The following PUS10 variants were observed in gnomAD, a reference collection of about 807,000 sequenced individuals.
PUS10 encodes the protein pseudouridine synthase 10, also known as tRNA pseudouridine synthase Pus10.
Under a neutral mutation model 75.0 loss-of-function variants are expected in PUS10, and 59 were observed. The observed-to-expected ratio is 0.79, with a 90% confidence interval of 0.64 to 0.98. The LOEUF (loss-of-function observed/expected upper bound fraction) is 0.98, where lower values mean the gene tolerates loss of function less well. Ranked by LOEUF, PUS10 falls within the 50% of genes least tolerant of loss-of-function variation. The pLI, the probability that PUS10 is intolerant of heterozygous loss-of-function variation, is 0.00. For missense variants in PUS10, 650 were observed against 614.4 expected (o/e 1.06, Z -0.61); for synonymous variants, 219 against 211.6 (o/e 1.03, Z -0.30).
Position 60,945,096 on chromosome 2 carries a change from C to A in PUS10, c.1464G>T (p.Glu488Asp). The A allele has an allele frequency of 6.2e-7, 1 of 1,612,772 alleles. No homozygotes were observed. Among genetic ancestry groups the A allele is most frequent in the South Asian group, 1.1e-5 (1 of 91,048 alleles). Residue 488 changes from glutamate (E) to aspartate (D), a missense_variant, in exon 17 of 18, where the codon GAG becomes GAT. By Grantham distance (45) the Glu-to-Asp change is conservative. Coordinates refer to ENST00000316752, the MANE Select transcript of PUS10 (RefSeq NM_144709.4). ...LKTQAGTYIK[E>D]FVHGDFGRTK... ...TTCTCCCGAAGTCTCCATGTACAAA[C>A]TCTTTAATGTAGCTGGGGTTTGTTT... is the stretch of plus-strand genomic sequence containing the variant.
Position 60,942,247 on chromosome 2 carries a change from C to A in PUS10, c.*148G>T. 1 of 690,796 alleles carries A rather than the reference C, an allele frequency of 1.4e-6. No individual in the cohort carries two copies. Among genetic ancestry groups the A allele is most frequent in the Non-Finnish European group, 2.6e-6 (1 of 381,680 alleles). The allele number at this position is 690,796 out of a possible 1,614,324, so 42.8% of individuals were successfully genotyped here. The stretch of plus-strand genomic sequence containing the variant: ...CACATATATAGATCCTGAGATGTTA[C>A]AACAAATTAACAATTATATAGATCA... On this transcript the variant is annotated 3_prime_UTR_variant, in exon 18 of 18. Coordinates refer to ENST00000316752, the MANE Select transcript of PUS10 (RefSeq NM_144709.4).
At chr2:61,001,304 T>C (rs575360754) in intron 4 of PUS10, among the ~76,000 whole-genome samples, 2 of 152,026 alleles carry the variant, frequency 1.3e-5, no homozygotes, top group East Asian at 1.9e-4. Context: ...TTTTTTTTTT[T>C]AGATGTAGTC....
At chr2:60,967,671 G>T in intron 5 of PUS10, 58 bp from the exon 6 acceptor site, 1 of 1,179,876 alleles carries the variant, frequency 8.5e-7, no homozygotes, top group South Asian at 1.3e-5. Context: ...TCTATTAAAG[G>T]CAAGAATTTA....
chr2:60,944,963 G>A (rs774490716), intron 17 of PUS10, 46 bp downstream of exon 17: 1 of 1,414,080 alleles, frequency 7.1e-7, no homozygotes. Flanking sequence ...CATAACTTTG[G>A]TTGAATTCAA....
At chr2:60,961,799 A>G (rs983064172) in intron 9 of PUS10, among the ~76,000 whole-genome samples, 4 of 152,200 alleles carry the variant, frequency 2.6e-5, no homozygotes, top group Admixed American at 6.5e-5. Flanking sequence ...AAAAACTGCA[A>G]TTACTTTTGC....
rs887989456 is a variant in PUS10, at chr2:61,002,600, T to C, written c.468+3957A>G. On this transcript the variant is annotated intron_variant, in intron 4 of 17. Transcript: ENST00000316752. Reference sequence around the variant, plus strand: ...GGAGCTGGGACCACAGGTACCACCATGAGATCACTCTCAGGATCTCAAATC... The same window carrying C: ...GGAGCTGGGACCACAGGTACCACCACGAGATCACTCTCAGGATCTCAAATC... Among the ~76,000 whole-genome samples the C allele has an allele frequency of 2.6e-5, 4 of 152,290 alleles. No individual in the cohort carries two copies. The South Asian group carries it at 6.2e-4, about 24-fold the overall frequency.
At chr2:60,979,958 T>C (rs1419657355) in intron 4 of PUS10, among the ~76,000 whole-genome samples, 1 of 152,206 alleles carries the variant, frequency 6.6e-6, no homozygotes, top group Non-Finnish European at 1.5e-5. Flanking sequence ...AAGGAAATTG[T>C]ATTGCATCTT....
intron 12 of PUS10, among the ~76,000 whole-genome samples, chr2:60,954,728 T>A (rs1053859676): frequency 6.6e-6 from 1 of 152,198 alleles, no homozygotes; most frequent in Non-Finnish European, 1.5e-5. Flanking sequence ...AAAAAATTAA[T>A]AATCAAACTT....
intron 4 of PUS10, among the ~76,000 whole-genome samples, chr2:60,997,348 C>T (rs1336354734): frequency 3.3e-5 from 5 of 152,136 alleles, no homozygotes; most frequent in African/African-American, 1.2e-4. Flanking sequence ...CGGTGGCTCA[C>T]GCCTGTACTC....
At chr2:60,957,050 C>T (rs1172245201) in intron 11 of PUS10, among the ~76,000 whole-genome samples, 1 of 149,324 alleles carries the variant, frequency 6.7e-6, no homozygotes, top group Non-Finnish European at 1.5e-5. Context: ...AAGGAAACAT[C>T]CTTGGACTCC....
chr2:60,987,339 C>T (rs563339969), intron 4 of PUS10, among the ~76,000 whole-genome samples: 2 of 152,006 alleles, frequency 1.3e-5, no homozygotes, highest in East Asian at 1.9e-4. Context: ...AATTTAAATC[C>T]TGCCACTATC....
At chr2:61,016,261 A>G in intron 1 of PUS10, among the ~76,000 whole-genome samples, 1 of 152,232 alleles carries the variant, frequency 6.6e-6, no homozygotes, top group South Asian at 2.1e-4. Context: ...ACCCCAAAAA[A>G]GACCTCTTTT....
At chr2:60,997,469 G>A (rs1678549274) in intron 4 of PUS10, among the ~76,000 whole-genome samples, 1 of 152,076 alleles carries the variant, frequency 6.6e-6, no homozygotes, top group Non-Finnish European at 1.5e-5. Flanking sequence ...AATTAGCCAG[G>A]CCGGGTGGCA....
chr2:60,983,503 AC>A (rs1677534130), intron 4 of PUS10, among the ~76,000 whole-genome samples: 1 of 151,988 alleles, frequency 6.6e-6, no homozygotes, highest in South Asian at 2.1e-4. Flanking sequence ...ACATGGTGAA[AC>A]CCCTCTCTAC....
At chr2:60,989,475 C>T (rs1341585321) in intron 4 of PUS10, among the ~76,000 whole-genome samples, 1 of 152,120 alleles carries the variant, frequency 6.6e-6, no homozygotes, top group Non-Finnish European at 1.5e-5. Context: ...CCAGGCCCCA[C>T]CCGTTTTTGG....
At chr2:61,010,690 TG>T in intron 2 of PUS10, 1 of 1,310,366 alleles carries the variant, frequency 7.6e-7, no homozygotes, top group South Asian at 1.3e-5. Flanking sequence ...TCCTGTGAGG[TG>T]GGTATTATCA....
intron 5 of PUS10, among the ~76,000 whole-genome samples, chr2:60,970,983 C>G (rs1024386067): frequency 1.3e-5 from 2 of 151,996 alleles, no homozygotes; most frequent in African/African-American, 2.4e-5. Context: ...AGTTCAAGAC[C>G]AGCCTGGACA....
Position 60,941,601 on chromosome 2 carries a change from T to C in PUS10, c.*794A>G, listed in dbSNP as rs903320544. The C allele has an allele frequency of 2.0e-5, 3 of 152,278 alleles. No homozygotes were observed. The highest frequency in any genetic ancestry group is 6.5e-5 in the Admixed American group (1 of 15,268). The allele number at this position is 152,278 out of a possible 1,614,324, so 9.4% of individuals were successfully genotyped here. ...TTGAAGCATTCTGAAATAATACCAG[T>C]TCGTCTTTGTTTAGCAATCTCAATT... On this transcript the variant is annotated 3_prime_UTR_variant, in exon 18 of 18. Coordinates refer to ENST00000316752, the MANE Select transcript of PUS10 (RefSeq NM_144709.4).
At position 60,967,740 on chromosome 2, in the gene PUS10, C is replaced by T. The variant is rs896524329; in HGVS notation, c.504-127G>A. On this transcript the variant is annotated intron_variant, in intron 5 of 17. Coordinates refer to ENST00000316752, the MANE Select transcript of PUS10 (RefSeq NM_144709.4). ...AGTATGTACCAGGCACTATTCTACA[C>T]ATTAAATAGAAAGCAGAGAACAAAG... 25 of 583,234 alleles carry T rather than the reference C, an allele frequency of 4.3e-5. No individual in the cohort carries two copies. The East Asian group carries it at 7.9e-4, about 18-fold the overall frequency. The allele number at this position is 583,234 out of a possible 1,614,324, so 36.1% of individuals were successfully genotyped here. A position where few individuals can be genotyped will look rare whatever the true frequency, so the allele number is the denominator to read the frequency against.
Sources: allele counts gnomAD v4.1 joint callset (sites outside exome capture counted in the v4.1 genomes callset), GRCh38; gene constraint gnomAD v4.1.1; transcripts MANE v1.5; gene names NCBI Gene and HGNC (gene_info 2026-07-23, HGNC 2026-07-21).